Variants in PLEKHM3 observed in about 807,000 individuals in gnomAD.
PLEKHM3 encodes the protein pleckstrin homology domain containing M3.
PLEKHM3 carries 45 observed loss-of-function variants against 81.8 expected under a neutral mutation model. The observed-to-expected ratio is 0.55, with a 90% CI of 0.43 to 0.71. The LOEUF (loss-of-function observed/expected upper bound fraction) is 0.71, where lower values mean the gene tolerates loss of function less well. Among genes scored for constraint, PLEKHM3 ranks in the 30% least tolerant of loss-of-function variants. The pLI is 0.00. For synonymous variants in PLEKHM3, 352 were observed against 356.4 expected (o/e 0.99, Z 0.14); for missense variants, 788 against 924.3 (o/e 0.85, Z 1.91).
chr2:207,914,462 C>T (rs907370213), intron 5 of PLEKHM3, among the ~76,000 whole-genome samples: 3 of 151,062 alleles, frequency 2.0e-5, no homozygotes, highest in Non-Finnish European at 2.9e-5. Context: ...CGCGCCATTG[C>T]ACTCCAGCCT....
intron 6 of PLEKHM3, among the ~76,000 whole-genome samples, chr2:207,863,090 GA>G (rs1042159257): frequency 1.3e-5 from 2 of 152,314 alleles, no homozygotes; most frequent in African/African-American, 2.4e-5. Context: ...TCCTTCAATT[GA>G]AAGTCCCTCC....
At chr2:207,962,405 A>C (rs1244325499) in intron 3 of PLEKHM3, among the ~76,000 whole-genome samples, 1 of 152,214 alleles carries the variant, frequency 6.6e-6, no homozygotes, top group Admixed American at 6.5e-5. Flanking sequence ...GAAGTGCTGC[A>C]TTTATGGCCC....
chr2:207,930,837 C>A, intron 5 of PLEKHM3, 89 bp downstream of exon 5: 1 of 1,453,834 alleles, frequency 6.9e-7, no homozygotes, highest in South Asian at 1.3e-5. Context: ...GCGGTCCGTG[C>A]TGGAAAGGCC....
intron 6 of PLEKHM3, among the ~76,000 whole-genome samples, chr2:207,867,839 G>T (rs2092510191): frequency 6.6e-6 from 1 of 152,018 alleles, no homozygotes. Context: ...CTCGGTAGGG[G>T]CTTAAGGGGC....
intron 6 of PLEKHM3, among the ~76,000 whole-genome samples, chr2:207,876,354 T>C (rs1180529016): frequency 1.3e-5 from 2 of 152,176 alleles, no homozygotes; most frequent in Admixed American, 6.5e-5. Flanking sequence ...TGCATATGCA[T>C]ATACATAAAC....
At chr2:207,928,522 C>T (rs1689482612) in intron 5 of PLEKHM3, among the ~76,000 whole-genome samples, 3 of 152,226 alleles carry the variant, frequency 2.0e-5, no homozygotes, top group South Asian at 4.1e-4. Flanking sequence ...CTTAGTATGT[C>T]CAAGCACTGT....
At chr2:207,835,503 G>A (rs2092314320) in intron 7 of PLEKHM3, among the ~76,000 whole-genome samples, 1 of 152,102 alleles carries the variant, frequency 6.6e-6, no homozygotes. Flanking sequence ...GCTACTCTGG[G>A]TTGTACTCTC....
chr2:207,870,734 T>A (rs2092529244), intron 6 of PLEKHM3, among the ~76,000 whole-genome samples: 1 of 152,172 alleles, frequency 6.6e-6, no homozygotes. Flanking sequence ...AGCTTGAAAA[T>A]CCTAACACAC....
At position 208,022,189 on chromosome 2, in the gene PLEKHM3, C is replaced by T. The variant is rs140322285; in HGVS notation, c.-319+3200G>A. Reference sequence around the variant, plus strand: ...AAGTGTCTGCTGCACTGCACACTAACTGTTGAGGAGGATTTTTGAAAATTT... The same window carrying T: ...AAGTGTCTGCTGCACTGCACACTAATTGTTGAGGAGGATTTTTGAAAATTT... On this transcript the variant is annotated intron_variant, in intron 1 of 7. Coordinates refer to ENST00000427836, the MANE Select transcript of PLEKHM3 (RefSeq NM_001080475.3). Among the ~76,000 whole-genome samples the T allele has an allele frequency of 1.3e-4, 20 of 152,316 alleles. No individual in the cohort carries two copies. In the East Asian group the frequency reaches 3.5e-3, roughly 26 times the overall value.
chr2:207,860,556 G>A (rs1352619535), intron 7 of PLEKHM3, among the ~76,000 whole-genome samples: 2 of 152,174 alleles, frequency 1.3e-5, no homozygotes, highest in Non-Finnish European at 2.9e-5. Flanking sequence ...TGGATGTGAT[G>A]ATGCCCAAAT....
chr2:207,995,265 G>C (rs986310513), intron 2 of PLEKHM3, among the ~76,000 whole-genome samples: 1 of 152,192 alleles, frequency 6.6e-6, no homozygotes, highest in African/African-American at 2.4e-5. Context: ...GATTGCTTTG[G>C]CATGCCTCAG....
chr2:207,957,651 A>G (rs1413583351), intron 3 of PLEKHM3, among the ~76,000 whole-genome samples: 1 of 152,150 alleles, frequency 6.6e-6, no homozygotes, highest in Non-Finnish European at 1.5e-5. Flanking sequence ...TGAGCCAAGA[A>G]TGTGCCATTG....
chr2:207,858,967 C>T (rs1194537583), intron 7 of PLEKHM3, among the ~76,000 whole-genome samples: 1 of 152,010 alleles, frequency 6.6e-6, no homozygotes, highest in Non-Finnish European at 1.5e-5. Context: ...TTCCTCCTTC[C>T]CCCAAGCCCT....
At chr2:207,863,205 T>C (rs746855920) in intron 6 of PLEKHM3, among the ~76,000 whole-genome samples, 26 of 152,224 alleles carry the variant, frequency 1.7e-4, no homozygotes, top group Admixed American at 4.6e-4. Flanking sequence ...GACTTAGACT[T>C]AGGAAACCAA....
intron 2 of PLEKHM3, among the ~76,000 whole-genome samples, chr2:207,980,313 C>T (rs1490175755): frequency 6.6e-6 from 1 of 152,190 alleles, no homozygotes; most frequent in Non-Finnish European, 1.5e-5. Flanking sequence ...TTCTTTCTAA[C>T]TATATGAGCT....
intron 1 of PLEKHM3, among the ~76,000 whole-genome samples, chr2:208,024,523 C>T (rs1693251751): frequency 6.6e-6 from 1 of 152,050 alleles, no homozygotes. Flanking sequence ...GATATATAGC[C>T]CAGCTTTTGT....
intron 6 of PLEKHM3, chr2:207,901,420 T>G: frequency 1.4e-6 from 1 of 692,968 alleles, no homozygotes; most frequent in Non-Finnish European, 2.6e-6. Flanking sequence ...ACCAGAAAAC[T>G]AGTAGTTATG....
In PLEKHM3 at chr2:207,930,950, G is replaced by A. The variant is rs1689572666; in HGVS notation, c.1862C>T (p.Ala621Val). 6.2e-7 allele frequency: 1 copy of A among 1,613,202 alleles called. No homozygotes were observed. The highest frequency in any genetic ancestry group is 2.2e-5 in the East Asian group (1 of 44,840). The change falls in exon 5 of 8, where the codon GCG (alanine) becomes GTG (valine). Residue 621 changes from alanine to valine, a missense_variant. Ala to Val is a moderately conservative substitution (Grantham distance 64). Coordinates refer to ENST00000427836, the MANE Select transcript of PLEKHM3 (RefSeq NM_001080475.3). Reference protein sequence around the residue: ...LRAYLFSCRAAVAEDLRRRIF... With the variant: ...LRAYLFSCRAVVAEDLRRRIF... ...CCTGCGGCGGAGATCCTCTGCCACCGCTGCCCGGCAGCTGAACAAATAGGC... is the reference window on the plus strand; with the variant it reads ...CCTGCGGCGGAGATCCTCTGCCACCACTGCCCGGCAGCTGAACAAATAGGC...
intron 1 of PLEKHM3, among the ~76,000 whole-genome samples, chr2:208,010,081 G>A (rs546879709): frequency 1.6e-4 from 25 of 152,280 alleles, no homozygotes; most frequent in African/African-American, 5.8e-4. Flanking sequence ...CAGCAACTTG[G>A]CTGGGTTCAT....
Sources: gnomAD v4.1 joint callset for allele counts (sites outside exome capture counted in the v4.1 genomes callset) on GRCh38, gnomAD v4.1.1 for gene constraint, MANE v1.5 for transcripts, NCBI Gene and HGNC (gene_info 2026-07-23, HGNC 2026-07-21) for gene names.